OPRM1: variants seen among roughly 807,000 people sequenced by gnomAD.
OPRM1 encodes mu-type opioid receptor.
OPRM1 carries 27 observed loss-of-function variants against 31.8 expected under a neutral mutation model. The ratio of observed to expected loss-of-function variants is 0.85; its 90% CI spans 0.63 to 1.17. The LOEUF is 1.17. Among genes scored for constraint, OPRM1 ranks in the 50% most tolerant of loss-of-function variants. The pLI is 0.00. For synonymous variants in OPRM1, 196 were observed against 189.9 expected, an observed-to-expected ratio of 1.03 and a Z score of -0.26; for missense variants, 536 against 511.1, an observed-to-expected ratio of 1.05 and a Z score of -0.47.
At chr6:154,092,809 C>T (rs186645956) in intron 3 of OPRM1, among the ~76,000 whole-genome samples, 1 of 152,340 alleles carries the variant, frequency 6.6e-6, no homozygotes, top group East Asian at 1.9e-4. Context: ...CAGGAACTCA[C>T]ACCCCCTAGA....
rs141975921 is a variant in OPRM1 at position 154,077,468 on chromosome 6, C to T, written c.291-12358C>T. On this transcript the variant is annotated intron_variant, in intron 1 of 3. Transcript: ENST00000330432. ...AAATAAGGCCGTGTATGGTGGCTCACGCCTGTAATCCCAGCACTTTGGGAG... is the reference window on the plus strand; with the variant it reads ...AAATAAGGCCGTGTATGGTGGCTCATGCCTGTAATCCCAGCACTTTGGGAG... Among the ~76,000 whole-genome samples, 986 of 151,194 alleles carry T rather than the reference C, an allele frequency of 6.5e-3. 4 individuals carry two copies. Among genetic ancestry groups the T allele is most frequent in the Middle Eastern group, 0.01 (3 of 294 alleles).
intron 3 of OPRM1, chr6:154,223,173 T>C: frequency 6.8e-6 from 11 of 1,612,576 alleles, no homozygotes; most frequent in Non-Finnish European, 9.3e-6. Context: ...AACTTACTGC[T>C]TTTTCTTGCA....
intron 3 of OPRM1, among the ~76,000 whole-genome samples, chr6:154,149,362 A>G (rs631850): frequency 6.0e-4 from 92 of 152,250 alleles, no homozygotes; most frequent in Non-Finnish European, 1.1e-3. Context: ...AACTGTCCCC[A>G]TGATTCAATT....
chr6:154,099,284 A>AAAGGAAGGAATGAAGG (rs1793952565), intron 3 of OPRM1, among the ~76,000 whole-genome samples: 1 of 45,074 alleles, frequency 2.2e-5, no homozygotes, highest in African/African-American at 6.5e-5. Flanking sequence ...GAGTCTGTCG[A>AAAGGAAGGAATGAAGG]AAGGAAGGAA....
chr6:154,088,889 A>G (rs1487109278), intron 1 of OPRM1, among the ~76,000 whole-genome samples: 1 of 152,080 alleles, frequency 6.6e-6, no homozygotes, highest in Non-Finnish European at 1.5e-5. Context: ...GGCCATTCCA[A>G]CTCTACATCT....
chr6:154,152,315 G>C (rs1408314232), intron 3 of OPRM1, among the ~76,000 whole-genome samples: 5 of 56,986 alleles, frequency 8.8e-5, no homozygotes, highest in African/African-American at 3.2e-4. Flanking sequence ...AAGAAAGAAA[G>C]AAAGAAAGAA....
intron 3 of OPRM1, among the ~76,000 whole-genome samples, chr6:154,103,169 C>T (rs565878683): frequency 6.6e-5 from 10 of 152,116 alleles, no homozygotes; most frequent in African/African-American, 2.4e-4. Context: ...CAATGAAACA[C>T]AAATCATAAT....
chr6:154,172,118 G>T (rs1014882063), intron 3 of OPRM1, among the ~76,000 whole-genome samples: 4 of 152,126 alleles, frequency 2.6e-5, no homozygotes, highest in African/African-American at 9.7e-5. Context: ...AAATATTTTT[G>T]ACTAAAACAT....
At chr6:154,242,185 A>C (rs1256277423) in intron 3 of OPRM1, among the ~76,000 whole-genome samples, 3 of 152,094 alleles carry the variant, frequency 2.0e-5, no homozygotes, top group African/African-American at 7.2e-5. Context: ...CGCATCTCCC[A>C]CCTCTACTTC....
chr6:154,152,352 G>GAAAGAAAGAAAGAAAT (rs1798549317), intron 3 of OPRM1, among the ~76,000 whole-genome samples: 1 of 140,808 alleles, frequency 7.1e-6, no homozygotes, highest in Non-Finnish European at 1.5e-5. Context: ...AGAAAGGAAA[G>GAAAGAAAGAAAGAAAT]AAAGAAAGAA....
intron 1 of OPRM1, among the ~76,000 whole-genome samples, chr6:154,031,319 A>G (rs936135243): frequency 6.6e-6 from 1 of 151,952 alleles, no homozygotes; most frequent in Non-Finnish European, 1.5e-5. Flanking sequence ...AAAATGCACC[A>G]AACCATGGAG....
chr6:154,117,892 A>T (rs1276476618), intron 3 of OPRM1, among the ~76,000 whole-genome samples: 5 of 53,098 alleles, frequency 9.4e-5, no homozygotes, highest in African/African-American at 2.1e-4. Context: ...TGTGTGTATG[A>T]GAGAGAAAAA....
chr6:154,048,092 T>TA (rs1781508764), intron 1 of OPRM1, among the ~76,000 whole-genome samples: 1 of 151,928 alleles, frequency 6.6e-6, no homozygotes, highest in East Asian at 1.9e-4. Flanking sequence ...GGGGAATAGG[T>TA]TTTCAACATG....
At chr6:154,068,793 C>G (rs891954469) in intron 1 of OPRM1, among the ~76,000 whole-genome samples, 5 of 152,134 alleles carry the variant, frequency 3.3e-5, no homozygotes, top group Non-Finnish European at 7.4e-5. Flanking sequence ...CAGTGTTTTC[C>G]ATAATGGCTC....
intron 3 of OPRM1, among the ~76,000 whole-genome samples, chr6:154,113,710 A>G (rs1796575117): frequency 6.6e-6 from 1 of 152,206 alleles, no homozygotes; most frequent in Non-Finnish European, 1.5e-5. Flanking sequence ...GCAGGCCAAC[A>G]GGAGATTTTC....
At chr6:154,047,973 G>A (rs1320735394) in intron 1 of OPRM1, among the ~76,000 whole-genome samples, 1 of 152,118 alleles carries the variant, frequency 6.6e-6, no homozygotes, top group Non-Finnish European at 1.5e-5. Context: ...AAAGAGGCAA[G>A]GAAGCTCTCT....
intron 1 of OPRM1, among the ~76,000 whole-genome samples, chr6:154,033,835 T>A (rs913419093): frequency 6.6e-6 from 1 of 152,156 alleles, no homozygotes; most frequent in Non-Finnish European, 1.5e-5. Flanking sequence ...GTCAAAAAAA[T>A]TTTAATAATA....
chr6:154,081,378 C>T (rs984978808), intron 1 of OPRM1, among the ~76,000 whole-genome samples: 25 of 152,050 alleles, frequency 1.6e-4, no homozygotes, highest in Non-Finnish European at 7.4e-5. Context: ...TGGTGGCGGG[C>T]GCCTGTAGTC....
At chr6:154,100,092 CATATTATGATATATATAT>C (rs1794453723) in intron 3 of OPRM1, among the ~76,000 whole-genome samples, 1 of 58,554 alleles carries the variant, frequency 1.7e-5, no homozygotes, top group South Asian at 8.5e-4. Context: ...TATATATTAT[CATATTATGATATATATAT>C]TATATATTAT....
Sources: allele counts gnomAD v4.1 joint callset (sites outside exome capture counted in the v4.1 genomes callset), GRCh38; gene constraint gnomAD v4.1.1; transcripts MANE v1.5; gene names NCBI Gene and HGNC (gene_info 2026-07-23, HGNC 2026-07-21).